JAZF1: variants seen among roughly 807,000 people sequenced by gnomAD.
The protein encoded by JAZF1 is juxtaposed with another zinc finger protein 1.
In JAZF1, 8 loss-of-function variants were observed where a neutral mutation model predicts 26.4. The ratio of observed to expected loss-of-function variants is 0.30; its 90% CI spans 0.18 to 0.55. The LOEUF is 0.55. Ranked by LOEUF, JAZF1 falls within the 20% of genes least tolerant of loss-of-function variation. JAZF1 has a pLI of 0.94. For synonymous variants in JAZF1, 126 were observed against 122.3 expected, an observed-to-expected ratio of 1.03 and a Z score of -0.20; for missense variants, 199 against 322.0, an observed-to-expected ratio of 0.62 and a Z score of 2.92.
At chr7:27,907,433 A>AT (rs1046956680) in intron 2 of JAZF1, among the ~76,000 whole-genome samples, 55 of 152,314 alleles carry the variant, frequency 3.6e-4, no homozygotes, top group African/African-American at 1.3e-3. Context: ...GAATTCTTAC[A>AT]TAAGAGGTAA....
rs568323886 is a variant in JAZF1, at chr7:28,090,607, C to T, written c.115+89856G>A. Among the ~76,000 whole-genome samples the T allele has an allele frequency of 3.3e-5, 5 of 152,252 alleles. No individual in the cohort carries two copies. In the South Asian group the frequency reaches 1.0e-3, roughly 32 times the overall value. On this transcript the variant is annotated intron_variant, in intron 1 of 4. Coordinates refer to ENST00000283928, the MANE Select transcript of JAZF1 (RefSeq NM_175061.4). ...CTCCTTTGAGCATCACAATATCCTCCAACACAGGTACTAGTACTCCCACAT... is the reference window on the plus strand; with the variant it reads ...CTCCTTTGAGCATCACAATATCCTCTAACACAGGTACTAGTACTCCCACAT...
intron 1 of JAZF1, among the ~76,000 whole-genome samples, chr7:28,000,363 C>T (rs1174454522): frequency 6.6e-6 from 1 of 152,056 alleles, no homozygotes; most frequent in Non-Finnish European, 1.5e-5. Flanking sequence ...CGCAGAGTAG[C>T]GCCTACAACA....
At chr7:27,892,138 A>G (rs369852565) in intron 3 of JAZF1, among the ~76,000 whole-genome samples, 1 of 152,342 alleles carries the variant, frequency 6.6e-6, no homozygotes, top group East Asian at 1.9e-4. Context: ...CTCTCTAACT[A>G]CAGGTAAAAT....
intron 1 of JAZF1, among the ~76,000 whole-genome samples, chr7:28,052,358 G>T (rs554860801): frequency 6.6e-5 from 10 of 152,292 alleles, no homozygotes; most frequent in Admixed American, 1.3e-4. Flanking sequence ...TCCTTCACTT[G>T]CATTTTATTT....
At position 27,947,862 on chromosome 7, in the gene JAZF1, C is replaced by T. The variant is rs900934232; in HGVS notation, c.188+44047G>A. 5.9e-5 allele frequency among the ~76,000 whole-genome samples: 9 copies of T among 152,272 alleles called. No individual in the cohort carries two copies. The East Asian group carries it at 1.2e-3, about 20-fold the overall frequency. ...AGCATTGCCTTGAGCTGGCTGGAGA[C>T]GGACACTCTGATGACTAACAGCTGG... On this transcript the variant is annotated intron_variant, in intron 2 of 4. Coordinates refer to ENST00000283928, the MANE Select transcript of JAZF1 (RefSeq NM_175061.4).
intron 1 of JAZF1, among the ~76,000 whole-genome samples, chr7:28,090,792 C>G (rs1784281395): frequency 6.8e-6 from 1 of 146,078 alleles, no homozygotes; most frequent in Non-Finnish European, 1.5e-5. Context: ...ATTTTTTTTT[C>G]TATTCCACAG....
intron 1 of JAZF1, among the ~76,000 whole-genome samples, chr7:28,165,520 C>T (rs931767328): frequency 2.0e-5 from 3 of 152,146 alleles, no homozygotes; most frequent in African/African-American, 4.8e-5. Flanking sequence ...AGGTTCCCTC[C>T]GTGTGGTAAC....
rs537145541 is a variant in JAZF1, at chr7:28,118,824, A to G, written c.115+61639T>C. Among the ~76,000 whole-genome samples, 17 of 152,200 alleles carry G rather than the reference A, an allele frequency of 1.1e-4. No individual in the cohort carries two copies. In the South Asian group the frequency reaches 3.5e-3, roughly 32 times the overall value. On this transcript the variant is annotated intron_variant, in intron 1 of 4. Transcript: ENST00000283928. The stretch of plus-strand genomic sequence containing the variant: ...ACACACACAGAGTCATGAGCAGCAT[A>G]TCCTCCAAAAACAGCAGAGGGATCT...
At chr7:28,110,528 A>C (rs1169730895) in intron 1 of JAZF1, among the ~76,000 whole-genome samples, 2 of 63,728 alleles carry the variant, frequency 3.1e-5, no homozygotes, top group East Asian at 8.7e-4. Context: ...AGGAAAAGGA[A>C]AAGGAAAGGA....
chr7:28,067,865 T>G (rs1363512306), intron 1 of JAZF1, among the ~76,000 whole-genome samples: 1 of 152,150 alleles, frequency 6.6e-6, no homozygotes, highest in Non-Finnish European at 1.5e-5. Flanking sequence ...AGCCTCAGTC[T>G]CTCAGCCTAG....
At chr7:27,993,340 A>T (rs568384555) in intron 1 of JAZF1, among the ~76,000 whole-genome samples, 1 of 152,172 alleles carries the variant, frequency 6.6e-6, no homozygotes, top group Non-Finnish European at 1.5e-5. Context: ...GCGCTTCCTC[A>T]GTACACATGC....
chr7:28,033,425 A>C (rs1316317503), intron 1 of JAZF1, among the ~76,000 whole-genome samples: 7 of 152,130 alleles, frequency 4.6e-5, no homozygotes, highest in African/African-American at 1.7e-4. Context: ...AAAACTGGCT[A>C]GGCCTAGGGT....
chr7:28,099,123 G>A (rs1301880695), intron 1 of JAZF1, among the ~76,000 whole-genome samples: 1 of 152,132 alleles, frequency 6.6e-6, no homozygotes, highest in Non-Finnish European at 1.5e-5. Flanking sequence ...ATAATGTGGG[G>A]ATTATTTGTA....
intron 2 of JAZF1, among the ~76,000 whole-genome samples, chr7:27,899,976 G>T (rs1242019593): frequency 2.0e-5 from 3 of 152,196 alleles, no homozygotes; most frequent in Non-Finnish European, 2.9e-5. Context: ...CGGTTTACAT[G>T]GGGGCAGTGG....
At chr7:27,843,537 G>T (rs1379921081) in intron 3 of JAZF1, 1 of 152,232 alleles carries the variant, frequency 6.6e-6, no homozygotes, top group African/African-American at 2.4e-5. Context: ...ATGATCTTTA[G>T]AAAGGCCTGT....
intron 2 of JAZF1, among the ~76,000 whole-genome samples, chr7:27,918,973 G>A (rs1176741310): frequency 6.6e-6 from 1 of 152,212 alleles, no homozygotes; most frequent in African/African-American, 2.4e-5. Flanking sequence ...GGGACTTTGT[G>A]ATGTTATCTG....
intron 2 of JAZF1, among the ~76,000 whole-genome samples, chr7:27,905,021 C>T (rs568924097): frequency 2.6e-5 from 4 of 152,298 alleles, no homozygotes; most frequent in Non-Finnish European, 4.4e-5. Flanking sequence ...GCAGCCTTGA[C>T]CTCCTGGGCT....
chr7:28,176,347 C>T (rs183789007), intron 1 of JAZF1, among the ~76,000 whole-genome samples: 1 of 152,354 alleles, frequency 6.6e-6, no homozygotes, highest in Non-Finnish European at 1.5e-5. Flanking sequence ...TATTCAAGTG[C>T]TGCAGGCCTG....
chr7:27,916,221 A>G (rs1036089649), intron 2 of JAZF1, among the ~76,000 whole-genome samples: 2 of 152,096 alleles, frequency 1.3e-5, no homozygotes, highest in African/African-American at 4.8e-5. Context: ...TTGCAGCCTA[A>G]GTCTCAAACC....
Sources: allele counts gnomAD v4.1 joint callset (sites outside exome capture counted in the v4.1 genomes callset), GRCh38; gene constraint gnomAD v4.1.1; transcripts MANE v1.5; gene names NCBI Gene and HGNC (gene_info 2026-07-23, HGNC 2026-07-21).